Variants in INPP4B observed in about 807,000 individuals in gnomAD.
The protein encoded by INPP4B is inositol polyphosphate-4-phosphatase type II B.
Under a neutral mutation model 122.5 loss-of-function variants are expected in INPP4B, and 55 were observed. The observed-to-expected ratio is 0.45, with a 90% CI of 0.36 to 0.56. The LOEUF is 0.56. INPP4B is among the 20% of genes least tolerant of loss of function. The pLI, the probability that INPP4B is intolerant of heterozygous loss-of-function variation, is 0.00. For missense variants in INPP4B, 1,000 were observed against 1,097.7 expected (o/e 0.91, Z 1.26); for synonymous variants, 403 against 388.7 (o/e 1.04, Z -0.43).
chr4:142,509,239 AT>A (rs1824402993), intron 2 of INPP4B, among the ~76,000 whole-genome samples: 2 of 152,102 alleles, frequency 1.3e-5, no homozygotes, highest in African/African-American at 4.8e-5. Flanking sequence ...TTTAATTTTT[AT>A]TTTTTAAATT....
chr4:142,278,378 C>A (rs1378660350), intron 9 of INPP4B, among the ~76,000 whole-genome samples: 1 of 151,766 alleles, frequency 6.6e-6, no homozygotes, highest in Non-Finnish European at 1.5e-5. Context: ...CAGGAGAATT[C>A]TTTTAGTTCT....
At chr4:142,302,352 G>T (rs772502953) in intron 9 of INPP4B, among the ~76,000 whole-genome samples, 1 of 152,152 alleles carries the variant, frequency 6.6e-6, no homozygotes, top group Non-Finnish European at 1.5e-5. Context: ...TCTGCCATTA[G>T]TAAGGTATGT....
intron 9 of INPP4B, among the ~76,000 whole-genome samples, chr4:142,275,612 T>A (rs1339775532): frequency 6.6e-6 from 1 of 151,890 alleles, no homozygotes; most frequent in South Asian, 2.1e-4. Context: ...AGGATTTACA[T>A]AGGGCTCACA....
intron 2 of INPP4B, among the ~76,000 whole-genome samples, chr4:142,483,596 A>G (rs1820850948): frequency 6.6e-6 from 1 of 151,996 alleles, no homozygotes; most frequent in Admixed American, 6.6e-5. Flanking sequence ...TCAAACTGGG[A>G]GGCAGAGAGC....
chr4:142,238,269 T>TA (rs913999678), intron 11 of INPP4B, among the ~76,000 whole-genome samples: 3 of 151,794 alleles, frequency 2.0e-5, no homozygotes, highest in Admixed American at 6.6e-5. Context: ...TTTGTTAAAT[T>TA]AAAAAAAATT....
At chr4:142,069,743 A>G (rs1169229203) in intron 25 of INPP4B, among the ~76,000 whole-genome samples, 2 of 152,232 alleles carry the variant, frequency 1.3e-5, no homozygotes, top group African/African-American at 4.8e-5. Flanking sequence ...GAAGAAATGG[A>G]TAAATTCCTG....
chr4:142,660,767 CT>C (rs1217322192), intron 2 of INPP4B: 1 of 152,264 alleles, frequency 6.6e-6, no homozygotes, highest in Non-Finnish European at 1.5e-5. Context: ...TTGGGTTTGT[CT>C]GTTCTTACCT....
chr4:142,685,231 T>C (rs1213250427), intron 2 of INPP4B, among the ~76,000 whole-genome samples: 1 of 152,030 alleles, frequency 6.6e-6, no homozygotes, highest in Non-Finnish European at 1.5e-5. Context: ...TATACTTGCC[T>C]GAGACAGGCA....
intron 2 of INPP4B, among the ~76,000 whole-genome samples, chr4:142,478,406 C>G (rs1287332326): frequency 6.6e-6 from 1 of 152,022 alleles, no homozygotes; most frequent in Non-Finnish European, 1.5e-5. Flanking sequence ...GTGAGTTTGT[C>G]ATAAATGGCT....
intron 21 of INPP4B, among the ~76,000 whole-genome samples, chr4:142,120,541 A>G (rs746097015): frequency 1.1e-4 from 16 of 152,178 alleles, no homozygotes; most frequent in Non-Finnish European, 1.8e-4. Context: ...ATTCAGACTA[A>G]CTTTGTTAAG....
chr4:142,768,315 T>C (rs1772470009), intron 1 of INPP4B, among the ~76,000 whole-genome samples: 1 of 152,158 alleles, frequency 6.6e-6, no homozygotes, highest in African/African-American at 2.4e-5. Flanking sequence ...CTTCACAGTG[T>C]ACTACAGGCA....
intron 9 of INPP4B, among the ~76,000 whole-genome samples, chr4:142,299,725 T>C (rs1336769651): frequency 9.9e-5 from 15 of 152,096 alleles, no homozygotes; most frequent in Non-Finnish European, 5.9e-5. Context: ...TTATTTAATA[T>C]ACAAAATATT....
In INPP4B at chr4:142,384,330, A is replaced by T. The variant is rs1795209412; in HGVS notation, c.372+18608T>A. 2.0e-5 allele frequency among the ~76,000 whole-genome samples: 3 copies of T among 152,214 alleles called. 1 individual carries two copies. In the South Asian group the frequency reaches 6.2e-4, roughly 32 times the overall value. The stretch of plus-strand genomic sequence containing the variant: ...GGGGATAGACTCTGAGAAATGCGTC[A>T]TTAGGAGATTTTGTCATTGTGTGAA... On this transcript the variant is annotated intron_variant, in intron 7 of 25. Transcript: ENST00000262992.
chr4:142,760,060 T>C (rs1771099568), intron 1 of INPP4B, among the ~76,000 whole-genome samples: 1 of 152,086 alleles, frequency 6.6e-6, no homozygotes, highest in Non-Finnish European at 1.5e-5. Flanking sequence ...TTTTTTATGA[T>C]ATTTTGCCTC....
At chr4:142,711,145 T>C (rs1233929804) in intron 2 of INPP4B, among the ~76,000 whole-genome samples, 1 of 152,178 alleles carries the variant, frequency 6.6e-6, no homozygotes, top group Non-Finnish European at 1.5e-5. Flanking sequence ...GAAAGGAAAG[T>C]CAGATCAAAG....
chr4:142,809,260 A>G (rs77400003), intron 1 of INPP4B, among the ~76,000 whole-genome samples: 1 of 152,132 alleles, frequency 6.6e-6, no homozygotes, highest in Non-Finnish European at 1.5e-5. Context: ...GTAGGTATAT[A>G]TACTTCCTTC....
chr4:142,260,395 C>T, intron 11 of INPP4B, 97 bp downstream of exon 11: 1 of 788,544 alleles, frequency 1.3e-6, no homozygotes, highest in Non-Finnish European at 2.2e-6. Flanking sequence ...TACTAAGCTT[C>T]ACAAACAACT....
chr4:142,392,369 C>A (rs1452755714), intron 7 of INPP4B, among the ~76,000 whole-genome samples: 2 of 152,156 alleles, frequency 1.3e-5, no homozygotes, highest in Admixed American at 6.5e-5. Flanking sequence ...AAAAGGGGGT[C>A]TGTTATGTGC....
At chr4:142,323,882 A>G (rs530476917) in intron 7 of INPP4B, among the ~76,000 whole-genome samples, 1 of 152,028 alleles carries the variant, frequency 6.6e-6, no homozygotes, top group Admixed American at 6.5e-5. Flanking sequence ...ATCAAGTCAG[A>G]GATTGATCTG....
Sources: allele counts gnomAD v4.1 joint callset (sites outside exome capture counted in the v4.1 genomes callset), GRCh38; gene constraint gnomAD v4.1.1; transcripts MANE v1.5; gene names NCBI Gene and HGNC (gene_info 2026-07-23, HGNC 2026-07-21).